The following XPA variants were observed in gnomAD, a reference collection of about 807,000 sequenced individuals.
The protein encoded by XPA is XPA, DNA damage recognition and repair factor, also known as DNA repair protein complementing XP-A cells.
A neutral mutation model predicts 35.7 loss-of-function variants in XPA; 27 were observed. The observed-to-expected ratio is 0.76, with a 90% CI of 0.56 to 1.04. XPA has a LOEUF of 1.04. Ranked by LOEUF, XPA falls within the 50% of genes least tolerant of loss-of-function variation. The pLI, the probability that XPA is intolerant of heterozygous loss-of-function variation, is 0.00. For synonymous variants in XPA, 133 were observed against 118.4 expected, an observed-to-expected ratio of 1.12 and a Z score of -0.80; for missense variants, 354 against 342.7, an observed-to-expected ratio of 1.03 and a Z score of -0.26.
At chr9:97,664,900 G>A in the XPA span, among the ~76,000 whole-genome samples, 1 of 152,136 alleles carries the variant, frequency 6.6e-6, no homozygotes, top group Non-Finnish European at 1.5e-5. Flanking sequence ...AGACACCTGA[G>A]GGATGGGGGA....
At chr9:97,666,991 C>G in the XPA span, 4 of 779,908 alleles carry the variant, frequency 5.1e-6, no homozygotes, top group Non-Finnish European at 1.9e-6. Flanking sequence ...CAAATTAATG[C>G]AGAGCAGAAA....
chr9:97,670,050 ATT>A, downstream of XPA: 17 of 357,030 alleles, frequency 4.8e-5, no homozygotes, highest in Non-Finnish European at 7.1e-5. Flanking sequence ...AGCCTCCCAT[ATT>A]GCTGGGATTA....
intron 5 of XPA, among the ~76,000 whole-genome samples, chr9:97,678,359 C>CCA (rs1828431946): frequency 6.6e-6 from 1 of 152,034 alleles, no homozygotes; most frequent in Non-Finnish European, 1.5e-5. Flanking sequence ...TGAGGTTGCG[C>CCA]CACTGCACTC....
chr9:97,676,027 C>G (rs1828355039), intron 5 of XPA: 1 of 184,950 alleles, frequency 5.4e-6, no homozygotes, highest in African/African-American at 2.4e-5. Flanking sequence ...AGCATCAAGT[C>G]AAGCTTTGCA....
the XPA span, chr9:97,662,914 A>G: frequency 1.4e-6 from 2 of 1,405,780 alleles, no homozygotes; most frequent in Non-Finnish European, 2.0e-6. Context: ...TGTTTAATGA[A>G]TAAGTATATA....
At chr9:97,682,580 T>C in intron 5 of XPA, 2 of 420,082 alleles carry the variant, frequency 4.8e-6, no homozygotes, top group South Asian at 3.7e-5. Flanking sequence ...ACAGAGACAC[T>C]TGGAAAATAT....
At chr9:97,671,037 GCT>G, downstream of XPA, 3 of 1,244,798 alleles carry the variant, frequency 2.4e-6, no homozygotes, top group Non-Finnish European at 3.5e-6. Flanking sequence ...CCACAAGATT[GCT>G]TATATGCTTT....
chr9:97,670,961 G>T, downstream of XPA: 1 of 550,498 alleles, frequency 1.8e-6, no homozygotes, highest in Non-Finnish European at 3.2e-6. Flanking sequence ...GTTCCTATCA[G>T]CACTTTTTTT....
intron 3 of XPA, among the ~76,000 whole-genome samples, chr9:97,689,095 C>G (rs1341918188): frequency 1.3e-5 from 2 of 151,982 alleles, no homozygotes; most frequent in Admixed American, 6.6e-5. Context: ...ATGAGGGTAG[C>G]AAAAGATGAA....
At position 97,675,351 on chromosome 9, in the gene XPA, C is replaced by T; in HGVS notation, c.*88G>A. On this transcript the variant is annotated 3_prime_UTR_variant, in exon 6 of 6. Coordinates refer to ENST00000375128, the MANE Select transcript of XPA (RefSeq NM_000380.4). ...GTTTCATTCATCTATGAAGATGTTG[C>T]TTTTTTTTTTGAATTTTGAAAAGGA... 8.4e-7 allele frequency: 1 copy of T among 1,187,436 alleles called. No individual in the cohort carries two copies. The highest frequency in any genetic ancestry group is 1.1e-6 in the Non-Finnish European group (1 of 870,286). The allele number at this position is 1,187,436 out of a possible 1,614,324, so 73.6% of individuals were successfully genotyped here. A position where few individuals can be genotyped will look rare whatever the true frequency, so the allele number is the denominator to read the frequency against.
intron 5 of XPA, chr9:97,682,067 TATC>T: frequency 9.9e-6 from 1 of 100,602 alleles, no homozygotes; most frequent in Admixed American, 1.9e-4. Flanking sequence ...TATTTTTATC[TATC>T]TATCTATCTA....
chr9:97,669,326 C>T, the XPA span, among the ~76,000 whole-genome samples: 10 of 152,044 alleles, frequency 6.6e-5, no homozygotes, highest in African/African-American at 2.2e-4. Flanking sequence ...CTGATTACTT[C>T]GTTAGAATAG....
chr9:97,678,382 CAG>C (rs372601575), intron 5 of XPA, among the ~76,000 whole-genome samples: 38 of 152,108 alleles, frequency 2.5e-4, no homozygotes, highest in African/African-American at 8.9e-4. Context: ...ACCTGGGTGA[CAG>C]AGCAATACTA....
Position 97,688,350 on chromosome 9 carries a change from G to C in XPA, c.390-1089C>G, listed in dbSNP as rs1050824438. On this transcript the variant is annotated intron_variant, in intron 3 of 5. Coordinates refer to ENST00000375128, the MANE Select transcript of XPA (RefSeq NM_000380.4). ...TGCATCACTCACTTCTTCACTAATCGCATGTCCCTCTGACTCTCAGCTTTC... is the reference window on the plus strand; with the variant it reads ...TGCATCACTCACTTCTTCACTAATCCCATGTCCCTCTGACTCTCAGCTTTC... 3.3e-5 allele frequency among the ~76,000 whole-genome samples: 5 copies of C among 152,028 alleles called. No individual in the cohort carries two copies. In the East Asian group the frequency reaches 7.7e-4, roughly 24 times the overall value.
At chr9:97,662,942 C>G in the XPA span, 252 of 1,586,896 alleles carry the variant, frequency 1.6e-4, no homozygotes, top group Non-Finnish European at 2.1e-4. Context: ...TTTTTCCCAT[C>G]ATTATCAAAA....
the XPA span, among the ~76,000 whole-genome samples, chr9:97,664,772 C>T: frequency 1.3e-5 from 2 of 152,102 alleles, no homozygotes; most frequent in Non-Finnish European, 2.9e-5. Flanking sequence ...AGATGGAACT[C>T]GGGAAGGGTT....
chr9:97,697,098 G>C, intron 1 of XPA, 23 bp downstream of exon 1: 1 of 1,523,972 alleles, frequency 6.6e-7, no homozygotes, highest in Non-Finnish European at 8.8e-7. Context: ...GAGGGAAGGG[G>C]AAAGCGCGGA....
intron 2 of XPA, 29 bp downstream of exon 2, chr9:97,693,620 G>C: frequency 1.3e-6 from 2 of 1,581,970 alleles, no homozygotes; most frequent in Non-Finnish European, 1.7e-6. Flanking sequence ...AACCAATCTA[G>C]ATACTTATTT....
In XPA at chr9:97,697,226, A is replaced by G. The variant is rs1213814173; in HGVS notation, c.67T>C (p.Ser23Pro). 8 of 1,601,378 alleles carry G rather than the reference A, an allele frequency of 5.0e-6. No homozygotes were observed. The highest frequency in any genetic ancestry group is 6.8e-6 in the Non-Finnish European group (8 of 1,179,048). ...ALEQPAELPA[S>P]VRASIERKRQ... ...TTCCGCTCGATACTCGCCCGCACCG[A>G]GGCAGGCAGCTCCGCGGGTTGCTCT... The change falls in exon 1 of 6, where the codon TCG becomes CCG. Residue 23 changes from serine to proline, a missense_variant. Physicochemically the swap from Ser to Pro is moderately conservative, Grantham distance 74. Transcript: ENST00000375128.
Sources: allele counts gnomAD v4.1 joint callset (sites outside exome capture counted in the v4.1 genomes callset), GRCh38; gene constraint gnomAD v4.1.1; transcripts MANE v1.5; gene names NCBI Gene and HGNC (gene_info 2026-07-23, HGNC 2026-07-21).